Variants in NPIPB8 observed in about 807,000 individuals in gnomAD.
The protein encoded by NPIPB8 is nuclear pore complex interacting protein family member B8, also known as nuclear pore complex-interacting protein family member B8.
In NPIPB8, 3 loss-of-function variants were observed where a neutral mutation model predicts 5.3. The ratio of observed to expected loss-of-function variants is 0.57; its 90% CI spans 0.26 to 1.47. NPIPB8 has a LOEUF of 1.47. Ranked by LOEUF, NPIPB8 falls within the 40% of genes most tolerant of loss-of-function variation. NPIPB8 has a pLI of 0.13. For synonymous variants in NPIPB8, 18 were observed against 23.0 expected (o/e 0.78, Z 0.62); for missense variants, 50 against 50.2 (o/e 1.00, Z 0.01).
At chr16:28,651,284 A>ATT (rs1242473443) in intron 3 of NPIPB8, among the ~76,000 whole-genome samples, 44 of 10,944 alleles carry the variant, frequency 4.0e-3, no homozygotes, top group African/African-American at 6.1e-3. Flanking sequence ...CACCTGGGCT[A>ATT]TTTTTTTTTT....
intron 5 of NPIPB8, among the ~76,000 whole-genome samples, chr16:28,652,665 C>A (rs1417592714): frequency 2.5e-5 from 3 of 122,026 alleles, no homozygotes; most frequent in Admixed American, 1.7e-4. Context: ...GGCTGTAGTG[C>A]AATGGCACAA....
At chr16:28,639,652 C>G (rs1158793081) in intron 2 of NPIPB8, among the ~76,000 whole-genome samples, 98 of 141,300 alleles carry the variant, frequency 6.9e-4, no homozygotes, top group Admixed American at 1.4e-3. Context: ...GATGGGGTTT[C>G]ACCATATTGG....
At chr16:28,644,505 T>C (rs1274402173) in intron 2 of NPIPB8, 2 of 817,584 alleles carry the variant, frequency 2.4e-6, no homozygotes, top group Non-Finnish European at 3.4e-6. Context: ...ATCCGGCCCA[T>C]TCCCCGTCCC....
chr16:28,642,298 G>T (rs1323965544), intron 2 of NPIPB8, among the ~76,000 whole-genome samples: 1 of 151,874 alleles, frequency 6.6e-6, no homozygotes, highest in East Asian at 2.0e-4. Flanking sequence ...TAGAGACAGG[G>T]TTTCACCATG....
chr16:28,642,203 C>T (rs2898718), intron 2 of NPIPB8, among the ~76,000 whole-genome samples: 1 of 150,578 alleles, frequency 6.6e-6, no homozygotes, highest in Non-Finnish European at 1.5e-5. Context: ...CCTCCCGGGC[C>T]CAAGGGATTG....
chr16:28,657,338 T>G lies in NPIPB8; in HGVS notation c.696+670T>G. ...GTTCTCATGGGTGGCACCTCCAGAG[T>G]GAAGAAGTTCCTTTGTCAAGAAGGG... On this transcript the variant is annotated intron_variant, in intron 7 of 7. Transcript: ENST00000683297. 2.2e-5 allele frequency: 14 copies of G among 648,584 alleles called. 5 individuals are homozygous for G. Among genetic ancestry groups the G allele is most frequent in the Non-Finnish European group, 2.4e-5 (14 of 573,802 alleles). The allele number at this position is 648,584 out of a possible 1,614,324, so 40.2% of individuals were successfully genotyped here. A position where few individuals can be genotyped will look rare whatever the true frequency, so the allele number is the denominator to read the frequency against.
intron 5 of NPIPB8, among the ~76,000 whole-genome samples, chr16:28,653,186 C>T (rs1225315263): frequency 9.4e-6 from 1 of 106,822 alleles, no homozygotes; most frequent in Non-Finnish European, 1.9e-5. Flanking sequence ...GATTCTTATC[C>T]CTCAGCCTCT....
intron 2 of NPIPB8, among the ~76,000 whole-genome samples, chr16:28,640,579 T>G (rs2047878485): frequency 6.6e-6 from 1 of 152,066 alleles, no homozygotes; most frequent in African/African-American, 2.4e-5. Flanking sequence ...TGGACTCCAT[T>G]AAGACCGTCA....
chr16:28,639,052 G>C (rs1378025406), intron 2 of NPIPB8, among the ~76,000 whole-genome samples: 2 of 146,468 alleles, frequency 1.4e-5, no homozygotes, highest in African/African-American at 5.2e-5. Context: ...CTGTGCGACA[G>C]AGCGAGACTC....
intron 1 of NPIPB8, 86 bp from the exon 2 acceptor site, chr16:28,638,237 C>T: frequency 1.3e-6 from 2 of 1,513,716 alleles, no homozygotes; most frequent in Non-Finnish European, 1.8e-6. Flanking sequence ...TTTTCTGAAG[C>T]CCCTATGCTC....
At chr16:28,640,638 T>C (rs960144198) in intron 2 of NPIPB8, among the ~76,000 whole-genome samples, 2 of 151,676 alleles carry the variant, frequency 1.3e-5, no homozygotes, top group Non-Finnish European at 2.9e-5. Context: ...AGGAAGAGAG[T>C]GGGGAACTGA....
intron 2 of NPIPB8, among the ~76,000 whole-genome samples, chr16:28,642,905 A>C (rs939406529): frequency 6.6e-6 from 1 of 152,162 alleles, no homozygotes; most frequent in Non-Finnish European, 1.5e-5. Context: ...TGTCATAGTA[A>C]ATGGTAAAGG....
intron 2 of NPIPB8, among the ~76,000 whole-genome samples, chr16:28,639,328 G>C (rs934410780): frequency 2.0e-5 from 3 of 149,296 alleles, no homozygotes; most frequent in Non-Finnish European, 4.4e-5. Context: ...TAGTCATTAA[G>C]TTGAACATTA....
At chr16:28,652,753 C>G (rs1293428553) in intron 5 of NPIPB8, among the ~76,000 whole-genome samples, 1 of 136,168 alleles carries the variant, frequency 7.3e-6, no homozygotes, top group Non-Finnish European at 1.6e-5. Context: ...AGGTGCCCAC[C>G]ACCATGCCCA....
At chr16:28,652,906 T>C (rs2048067489) in intron 5 of NPIPB8, among the ~76,000 whole-genome samples, 1 of 135,324 alleles carries the variant, frequency 7.4e-6, no homozygotes, top group Admixed American at 7.3e-5. Context: ...CCAGGCTTTT[T>C]TTTTTTTTTT....
chr16:28,641,271 A>T (rs3928523), intron 2 of NPIPB8, among the ~76,000 whole-genome samples: 2 of 150,284 alleles, frequency 1.3e-5, no homozygotes, highest in African/African-American at 2.4e-5. Context: ...ACAGGGCATC[A>T]TCTGTGGGGA....
chr16:28,643,424 GT>G (rs1358970088), intron 2 of NPIPB8, among the ~76,000 whole-genome samples: 1 of 103,206 alleles, frequency 9.7e-6, no homozygotes, highest in African/African-American at 3.7e-5. Context: ...TTATTGCCAT[GT>G]TATGATCTTA....
At chr16:28,643,255 T>A (rs2047938852) in intron 2 of NPIPB8, among the ~76,000 whole-genome samples, 3 of 143,454 alleles carry the variant, frequency 2.1e-5, no homozygotes, top group Non-Finnish European at 4.6e-5. Flanking sequence ...TCATTTGGGT[T>A]CAGAATTTAA....
intron 2 of NPIPB8, among the ~76,000 whole-genome samples, chr16:28,640,347 C>A (rs2047873636): frequency 6.6e-6 from 1 of 152,104 alleles, no homozygotes; most frequent in Non-Finnish European, 1.5e-5. Context: ...GTGCCCTGTG[C>A]CCCACATGCC....
Sources: gnomAD v4.1 joint callset for allele counts (sites outside exome capture counted in the v4.1 genomes callset) on GRCh38, gnomAD v4.1.1 for gene constraint, MANE v1.5 for transcripts, NCBI Gene and HGNC (gene_info 2026-07-23, HGNC 2026-07-21) for gene names.